Variants in TAFA2 observed in about 807,000 individuals in gnomAD.
TAFA2 encodes the protein chemokine-like protein TAFA-2.
In TAFA2, 7 loss-of-function variants were observed where a neutral mutation model predicts 18.8. That is an observed-to-expected ratio of 0.37 (90% CI 0.21 to 0.70). The LOEUF is 0.70. Ranked by LOEUF, TAFA2 falls within the 30% of genes least tolerant of loss-of-function variation. The pLI, the probability that TAFA2 is intolerant of heterozygous loss-of-function variation, is 0.53. For synonymous variants in TAFA2, 60 were observed against 54.2 expected, an observed-to-expected ratio of 1.11 and a Z score of -0.47; for missense variants, 122 against 158.1, an observed-to-expected ratio of 0.77 and a Z score of 1.23.
intron 1 of TAFA2, among the ~76,000 whole-genome samples, chr12:61,915,468 CA>C (rs1309643126): frequency 6.6e-6 from 1 of 152,148 alleles, no homozygotes; most frequent in Non-Finnish European, 1.5e-5. Context: ...GAAACTGAAC[CA>C]ATAAGCTATA....
intron 2 of TAFA2, among the ~76,000 whole-genome samples, chr12:61,826,369 T>G (rs1872538022): frequency 6.6e-6 from 1 of 151,976 alleles, no homozygotes; most frequent in South Asian, 2.1e-4. Flanking sequence ...TGTGTATTTG[T>G]AAATTTGAAA....
intron 2 of TAFA2, among the ~76,000 whole-genome samples, chr12:61,758,396 G>A (rs540823645): frequency 1.3e-4 from 20 of 152,016 alleles, no homozygotes; most frequent in African/African-American, 4.3e-4. Flanking sequence ...CATTAACAAA[G>A]AATGTTCTTA....
chr12:62,150,275 C>T (rs1000242379), intron 1 of TAFA2, among the ~76,000 whole-genome samples: 5 of 152,164 alleles, frequency 3.3e-5, no homozygotes, highest in African/African-American at 1.2e-4. Context: ...TTTTCATGAT[C>T]TTTCTGTATA....
intron 1 of TAFA2, among the ~76,000 whole-genome samples, chr12:61,940,209 G>A (rs562017879): frequency 6.6e-6 from 1 of 152,304 alleles, no homozygotes; most frequent in South Asian, 2.1e-4. Context: ...CATGTAATGT[G>A]TGCAATTGCA....
intron 2 of TAFA2, among the ~76,000 whole-genome samples, chr12:61,817,659 C>A (rs190039915): frequency 4.2e-4 from 64 of 152,208 alleles, no homozygotes; most frequent in Admixed American, 1.8e-3. Context: ...AGACAGATGC[C>A]ATATCTCTTC....
At chr12:61,992,313 A>C (rs898933005) in intron 1 of TAFA2, among the ~76,000 whole-genome samples, 2 of 152,292 alleles carry the variant, frequency 1.3e-5, no homozygotes, top group Middle Eastern at 3.4e-3. Context: ...TGGAAACTCC[A>C]TTCAGAAGAA....
chr12:61,755,067 G>A lies in TAFA2; in HGVS notation c.107-43C>T, dbSNP rs375774239. 6.2e-6 allele frequency: 10 copies of A among 1,600,206 alleles called. No individual in the cohort carries two copies. The African/African-American group carries it at 1.3e-4, about 21-fold the overall frequency. The stretch of plus-strand genomic sequence containing the variant: ...ATAAGACAACATTGAGAAAGCTTTG[G>A]ACACTTCCCCCCACCCTTCTTTTTA... On this transcript the variant is annotated intron_variant, in intron 2 of 4. Coordinates refer to ENST00000416284, the MANE Select transcript of TAFA2 (RefSeq NM_178539.5).
At chr12:61,816,159 C>T (rs192600773) in intron 2 of TAFA2, among the ~76,000 whole-genome samples, 2 of 151,200 alleles carry the variant, frequency 1.3e-5, no homozygotes, top group Admixed American at 1.3e-4. Flanking sequence ...TCTTTTCCTG[C>T]TCCTCTCCCT....
chr12:62,014,850 C>A (rs181688615), intron 1 of TAFA2, among the ~76,000 whole-genome samples: 1 of 152,184 alleles, frequency 6.6e-6, no homozygotes, highest in Admixed American at 6.5e-5. Context: ...TGCTGGGCCA[C>A]ATAACTCCAC....
intron 1 of TAFA2, among the ~76,000 whole-genome samples, chr12:61,999,129 T>C (rs1880295572): frequency 6.6e-6 from 1 of 152,184 alleles, no homozygotes; most frequent in Non-Finnish European, 1.5e-5. Flanking sequence ...AAGAAGATCT[T>C]AATATGAGAG....
intron 1 of TAFA2, among the ~76,000 whole-genome samples, chr12:62,246,381 A>T (rs1379395852): frequency 1.3e-5 from 2 of 152,166 alleles, no homozygotes; most frequent in African/African-American, 4.8e-5. Flanking sequence ...GGTGGTATTT[A>T]CCACATGGAC....
At chr12:61,814,691 T>G (rs535091932) in intron 2 of TAFA2, among the ~76,000 whole-genome samples, 39 of 151,422 alleles carry the variant, frequency 2.6e-4, no homozygotes, top group Middle Eastern at 3.4e-3. Context: ...CAAAGGATCT[T>G]GAGATGGAAG....
At chr12:61,912,439 A>AT (rs1258109846) in intron 1 of TAFA2, among the ~76,000 whole-genome samples, 1 of 152,214 alleles carries the variant, frequency 6.6e-6, no homozygotes, top group Non-Finnish European at 1.5e-5. Flanking sequence ...TATTTTTAAA[A>AT]CATGCCTATT....
intron 1 of TAFA2, among the ~76,000 whole-genome samples, chr12:62,209,333 A>T (rs1565779854): frequency 6.6e-6 from 1 of 151,948 alleles, no homozygotes; most frequent in Non-Finnish European, 1.5e-5. Context: ...TTCACTCAAA[A>T]CTTCTTCTTC....
chr12:61,879,607 T>C, intron 1 of TAFA2: 1 of 784,966 alleles, frequency 1.3e-6, no homozygotes, highest in South Asian at 1.3e-5. Context: ...AAGGAGCAGA[T>C]CAAGACATTC....
chr12:61,947,128 T>TA (rs1188917244), intron 1 of TAFA2, among the ~76,000 whole-genome samples: 1 of 135,296 alleles, frequency 7.4e-6, no homozygotes, highest in African/African-American at 2.9e-5. Context: ...TATGCAGCCA[T>TA]AAAAAATGAT....
intron 1 of TAFA2, among the ~76,000 whole-genome samples, chr12:62,169,273 C>A (rs1490647627): frequency 1.3e-5 from 2 of 152,160 alleles, no homozygotes; most frequent in South Asian, 4.2e-4. Flanking sequence ...TGGCCAATAC[C>A]ACACATCTAG....
chr12:61,842,115 C>T (rs528559949), intron 2 of TAFA2, among the ~76,000 whole-genome samples: 4 of 151,722 alleles, frequency 2.6e-5, no homozygotes, highest in South Asian at 4.2e-4. Flanking sequence ...AGATTCAAAG[C>T]GGTATAGAAA....
At chr12:62,001,187 A>C (rs1415232810) in intron 1 of TAFA2, among the ~76,000 whole-genome samples, 1 of 152,154 alleles carries the variant, frequency 6.6e-6, no homozygotes, top group Non-Finnish European at 1.5e-5. Flanking sequence ...TCTCTAAAAT[A>C]AATGTATTGA....
Sources: gnomAD v4.1 joint callset for allele counts (sites outside exome capture counted in the v4.1 genomes callset) on GRCh38, gnomAD v4.1.1 for gene constraint, MANE v1.5 for transcripts, NCBI Gene and HGNC (gene_info 2026-07-23, HGNC 2026-07-21) for gene names.